BABAM2: variants seen among roughly 807,000 people sequenced by gnomAD.
BABAM2 encodes the protein BRISC and BRCA1 A complex member 2, also known as BRISC and BRCA1-A complex member 2.
In BABAM2, 31 loss-of-function variants were observed where a neutral mutation model predicts 54.7. That is an observed-to-expected ratio of 0.57 (90% CI 0.43 to 0.77). The LOEUF is 0.77. Ranked by LOEUF, BABAM2 falls within the 30% of genes least tolerant of loss-of-function variation. The pLI is 0.00. For missense variants in BABAM2, 364 were observed against 455.8 expected (o/e 0.80, Z 1.83); for synonymous variants, 167 against 162.9 (o/e 1.03, Z -0.19).
intron 8 of BABAM2, among the ~76,000 whole-genome samples, chr2:28,241,122 G>A (rs1361208071): frequency 6.6e-6 from 1 of 152,176 alleles, no homozygotes; most frequent in Non-Finnish European, 1.5e-5. Flanking sequence ...TTCCTTTGAA[G>A]TGTTGATTGA....
At chr2:28,091,475 T>C (rs1422944094) in intron 6 of BABAM2, among the ~76,000 whole-genome samples, 1 of 152,194 alleles carries the variant, frequency 6.6e-6, no homozygotes, top group Non-Finnish European at 1.5e-5. Context: ...GAGAACTCAT[T>C]TCTCACCTTG....
In BABAM2 at chr2:28,156,079, T is replaced by G. The variant is rs545606029; in HGVS notation, c.680+26699T>G. Among the ~76,000 whole-genome samples, 4 of 152,282 alleles carry G rather than the reference T, an allele frequency of 2.6e-5. No individual in the cohort carries two copies. In the South Asian group the frequency reaches 8.3e-4, roughly 32 times the overall value. ...GCTTCTTTTTCCAATACTTGCAAAT[T>G]TATTTTTGGGGTAAGAACAGGTATA... On this transcript the variant is annotated intron_variant, in intron 7 of 11. Transcript: ENST00000379624.
chr2:27,987,523 A>C lies in BABAM2; in HGVS notation c.206-470A>C, dbSNP rs1672484237. The stretch of plus-strand genomic sequence containing the variant: ...GCTTGTTGTGGATGTTAAATTGAAA[A>C]AGGATAGCAGGCCTGGGATAGTGGC... On this transcript the variant is annotated intron_variant, in intron 3 of 11. Transcript: ENST00000379624. Among the ~76,000 whole-genome samples the C allele has an allele frequency of 1.3e-5, 2 of 152,114 alleles. 1 individual carries two copies. The highest frequency in any genetic ancestry group is 1.3e-4 in the Admixed American group (2 of 15,266).
intron 10 of BABAM2, among the ~76,000 whole-genome samples, chr2:28,258,622 T>TTC (rs1553352149): frequency 7.3e-6 from 1 of 136,216 alleles, no homozygotes; most frequent in Non-Finnish European, 1.6e-5. Flanking sequence ...TTTCTTTTTT[T>TTC]TTTTTTTTTG....
chr2:28,164,075 T>A (rs1673382615), intron 7 of BABAM2, among the ~76,000 whole-genome samples: 1 of 152,198 alleles, frequency 6.6e-6, no homozygotes, highest in Non-Finnish European at 1.5e-5. Flanking sequence ...TCCTACAACT[T>A]GTTGCACTTA....
chr2:28,231,806 T>TTGAGAGAGATGTC (rs1681420167), intron 7 of BABAM2, among the ~76,000 whole-genome samples: 7 of 85,438 alleles, frequency 8.2e-5, no homozygotes, highest in African/African-American at 3.6e-4. Flanking sequence ...TTTTTTTTTT[T>TTGAGAGAGATGTC]TTTTTTTTTT....
intron 6 of BABAM2, among the ~76,000 whole-genome samples, chr2:28,106,009 A>C (rs1351968058): frequency 6.6e-6 from 1 of 151,666 alleles, no homozygotes; most frequent in Non-Finnish European, 1.5e-5. Context: ...TCAAATTTAT[A>C]ATAGAAATGT....
At position 28,198,358 on chromosome 2, in the gene BABAM2, G is replaced by A. The variant is rs561512334; in HGVS notation, c.681-38844G>A. On this transcript the variant is annotated intron_variant, in intron 7 of 11. Coordinates refer to ENST00000379624, the MANE Select transcript of BABAM2 (RefSeq NM_199191.3). Reference sequence around the variant, plus strand: ...TTTTTGTATTTTTTTAGTAGAGACGGGGTTTCACCATATTAGCCAGGACGG... The same window carrying A: ...TTTTTGTATTTTTTTAGTAGAGACGAGGTTTCACCATATTAGCCAGGACGG... 6.6e-5 allele frequency among the ~76,000 whole-genome samples: 10 copies of A among 152,152 alleles called. No homozygotes were observed. In the South Asian group the frequency reaches 1.9e-3, roughly 29 times the overall value.
At chr2:28,274,494 C>A (rs184641466) in intron 10 of BABAM2, among the ~76,000 whole-genome samples, 1 of 152,272 alleles carries the variant, frequency 6.6e-6, no homozygotes, top group Admixed American at 6.5e-5. Context: ...GTGGTGCGAT[C>A]TTGGCTCACT....
chr2:27,993,847 A>G (rs1318727708), intron 4 of BABAM2, among the ~76,000 whole-genome samples: 1 of 152,068 alleles, frequency 6.6e-6, no homozygotes, highest in African/African-American at 2.4e-5. Flanking sequence ...TGTGCTCTTC[A>G]TTGTGCTACC....
chr2:28,003,424 C>T (rs915930915), intron 4 of BABAM2, among the ~76,000 whole-genome samples: 2 of 152,010 alleles, frequency 1.3e-5, no homozygotes, highest in Admixed American at 6.6e-5. Context: ...AAAACCTTGT[C>T]ACTACAAAAA....
intron 11 of BABAM2, chr2:28,327,140 G>T: frequency 1.1e-6 from 1 of 935,542 alleles, no homozygotes; most frequent in Non-Finnish European, 1.6e-6. Context: ...GCATACATCT[G>T]TGATGAACGC....
intron 11 of BABAM2, among the ~76,000 whole-genome samples, chr2:28,305,532 G>A (rs1300929397): frequency 6.6e-6 from 1 of 152,106 alleles, no homozygotes; most frequent in Non-Finnish European, 1.5e-5. Flanking sequence ...TTTGGTATCA[G>A]TACTATGCTG....
chr2:28,013,645 G>A (rs553738528), intron 4 of BABAM2, among the ~76,000 whole-genome samples: 2 of 121,738 alleles, frequency 1.6e-5, no homozygotes, highest in South Asian at 6.1e-4. Flanking sequence ...GGAATGGTCT[G>A]ATTGATTTTG....
In BABAM2 at chr2:28,338,887, G is replaced by GT. The variant is rs1691703758; in HGVS notation, c.*376dup. The GT allele has an allele frequency of 1.3e-5, 3 of 238,588 alleles. No individual in the cohort carries two copies. The highest frequency in any genetic ancestry group is 2.5e-5 in the Non-Finnish European group (3 of 119,984). 14.8% of individuals were successfully genotyped at this position (238,588 alleles called of 1,614,324 possible). ...GTTCTAAGATTAAATGCCCCTCGCT[G>GT]TTCTTCCTCTGAAACTAGTGTCTTC... On this transcript the variant is annotated 3_prime_UTR_variant, in exon 12 of 12. Transcript: ENST00000379624.
chr2:28,023,935 T>A (rs574162665), intron 4 of BABAM2, among the ~76,000 whole-genome samples: 1 of 152,324 alleles, frequency 6.6e-6, no homozygotes, highest in Admixed American at 6.5e-5. Context: ...CATAATCTTA[T>A]TAAGATATTA....
intron 7 of BABAM2, among the ~76,000 whole-genome samples, chr2:28,207,285 C>G (rs893196849): frequency 6.6e-6 from 1 of 151,630 alleles, no homozygotes; most frequent in Non-Finnish European, 1.5e-5. Context: ...GGGAGAATTG[C>G]TTGAGCTCAG....
intron 2 of BABAM2, among the ~76,000 whole-genome samples, chr2:27,911,968 C>A (rs562284566): frequency 3.0e-4 from 46 of 152,304 alleles, no homozygotes; most frequent in African/African-American, 1.1e-3. Flanking sequence ...ACCCACTAAC[C>A]CCCAAGCTTT....
intron 3 of BABAM2, among the ~76,000 whole-genome samples, chr2:27,949,722 A>T (rs1207387099): frequency 6.6e-6 from 1 of 152,102 alleles, no homozygotes; most frequent in East Asian, 1.9e-4. Context: ...TATTCTTTTA[A>T]TTTTTTTCTT....
Sources: allele counts gnomAD v4.1 joint callset (sites outside exome capture counted in the v4.1 genomes callset), GRCh38; gene constraint gnomAD v4.1.1; transcripts MANE v1.5; gene names NCBI Gene and HGNC (gene_info 2026-07-23, HGNC 2026-07-21).